The following ACTR3C variants were observed in gnomAD, a reference collection of about 807,000 sequenced individuals.
The protein encoded by ACTR3C is actin-related protein 3C.
In ACTR3C, 18 loss-of-function variants were observed where a neutral mutation model predicts 26.3. The observed-to-expected ratio is 0.68, with a 90% CI of 0.47 to 1.01. The LOEUF (loss-of-function observed/expected upper bound fraction) is 1.01, where lower values mean the gene tolerates loss of function less well. ACTR3C is among the 50% of genes least tolerant of loss of function. ACTR3C has a pLI of 0.00. For missense variants in ACTR3C, 184 were observed against 250.7 expected (o/e 0.73, Z 1.80); for synonymous variants, 55 against 94.5 (o/e 0.58, Z 2.42).
downstream of ACTR3C, among the ~76,000 whole-genome samples, chr7:150,239,536 CTCTCTATATATATA>C (rs1832060664): frequency 1.8e-5 from 2 of 112,966 alleles, no homozygotes; most frequent in Admixed American, 9.2e-5. Context: ...CTCTCTCTCT[CTCTCTATATATATA>C]TATATATATA....
At chr7:150,085,873 G>T in the ACTR3C span, among the ~76,000 whole-genome samples, 1 of 152,090 alleles carries the variant, frequency 6.6e-6, no homozygotes, top group Admixed American at 6.5e-5. Context: ...AAATGTGAAG[G>T]GAGGCTTTGT....
chr7:150,004,048 T>TGATG, the ACTR3C span, among the ~76,000 whole-genome samples: 2 of 151,340 alleles, frequency 1.3e-5, no homozygotes, highest in African/African-American at 4.9e-5. Flanking sequence ...ATGGTGTGTA[T>TGATG]GATGTATGTA....
chr7:149,969,330 T>TGTGTGTGTGA, the ACTR3C span, among the ~76,000 whole-genome samples: 1 of 107,378 alleles, frequency 9.3e-6, no homozygotes, highest in African/African-American at 3.2e-5. Context: ...TGTGTGTGTG[T>TGTGTGTGTGA]GATGCTGCCC....
At chr7:150,255,019 A>G (rs535099409) in intron 6 of ACTR3C, among the ~76,000 whole-genome samples, 1 of 152,180 alleles carries the variant, frequency 6.6e-6, no homozygotes, top group East Asian at 1.9e-4. Context: ...AGGATTTTCC[A>G]CAAAAATCTC....
At chr7:149,953,874 T>G in the ACTR3C span, among the ~76,000 whole-genome samples, 2 of 138,492 alleles carry the variant, frequency 1.4e-5, no homozygotes, top group Non-Finnish European at 3.1e-5. Context: ...CATAGGAAAC[T>G]AACAAGGAAT....
At chr7:149,923,707 C>A in the ACTR3C span, among the ~76,000 whole-genome samples, 3 of 152,102 alleles carry the variant, frequency 2.0e-5, no homozygotes, top group Non-Finnish European at 2.9e-5. Context: ...CACACACACA[C>A]AAATGTGAGC....
chr7:150,084,831 G>T, the ACTR3C span, among the ~76,000 whole-genome samples: 11 of 152,098 alleles, frequency 7.2e-5, no homozygotes, highest in Admixed American at 5.2e-4. Flanking sequence ...GGGTGTGGGA[G>T]GGGGAGTGGA....
the ACTR3C span, among the ~76,000 whole-genome samples, chr7:149,911,617 T>G: frequency 6.6e-6 from 1 of 151,270 alleles, no homozygotes; most frequent in South Asian, 2.1e-4. Context: ...AGACATCATC[T>G]CCTACAATCT....
At chr7:150,022,568 T>C in the ACTR3C span, among the ~76,000 whole-genome samples, 1 of 152,086 alleles carries the variant, frequency 6.6e-6, no homozygotes, top group African/African-American at 2.4e-5. Flanking sequence ...GCTGTGGCTA[T>C]AAAGCTTCAG....
chr7:150,082,754 C>T, the ACTR3C span, among the ~76,000 whole-genome samples: 1 of 150,874 alleles, frequency 6.6e-6, no homozygotes, highest in Non-Finnish European at 1.5e-5. Flanking sequence ...TTATGTGATG[C>T]TTTATGACTC....
At chr7:150,037,751 C>G in the ACTR3C span, among the ~76,000 whole-genome samples, 1 of 44,914 alleles carries the variant, frequency 2.2e-5, no homozygotes, top group East Asian at 1.4e-3. Context: ...TCTCAGTCCC[C>G]ACCCTCGCGG....
downstream of ACTR3C, among the ~76,000 whole-genome samples, chr7:150,243,623 T>G (rs1832306318): frequency 6.6e-6 from 1 of 152,182 alleles, no homozygotes; most frequent in Admixed American, 6.5e-5. Context: ...TCAAGTTCCT[T>G]CTATAAAGTG....
chr7:149,931,370 C>T, the ACTR3C span, among the ~76,000 whole-genome samples: 15 of 152,328 alleles, frequency 9.8e-5, no homozygotes, highest in East Asian at 2.9e-3. Context: ...TTATGATGCA[C>T]AGTGCTCCCG....
At chr7:149,930,331 AG>A in the ACTR3C span, among the ~76,000 whole-genome samples, 1 of 152,256 alleles carries the variant, frequency 6.6e-6, no homozygotes, top group African/African-American at 2.4e-5. Flanking sequence ...TTGATATAAA[AG>A]GATATGATCT....
chr7:150,037,869 G>A, the ACTR3C span, among the ~76,000 whole-genome samples: 377 of 112,666 alleles, frequency 3.3e-3, 25 homozygotes, highest in Middle Eastern at 0.024. Context: ...AGCGATGGGG[G>A]TCCTAAGAGC....
the ACTR3C span, among the ~76,000 whole-genome samples, chr7:150,038,923 G>T: frequency 1.8e-4 from 19 of 108,322 alleles, 2 homozygotes; most frequent in African/African-American, 6.0e-4. Context: ...ACAGCCAGGG[G>T]TGGAAGAGGG....
chr7:150,228,350 AG>A, the ACTR3C span, among the ~76,000 whole-genome samples: 1 of 152,226 alleles, frequency 6.6e-6, no homozygotes, highest in Non-Finnish European at 1.5e-5. Context: ...ATATTGTGGT[AG>A]GGTTAATTAT....
chr7:150,102,193 A>T, the ACTR3C span, among the ~76,000 whole-genome samples: 1 of 151,504 alleles, frequency 6.6e-6, no homozygotes, highest in Non-Finnish European at 1.5e-5. Flanking sequence ...GAAGATTCTG[A>T]GCCTTGGTAC....
chr7:150,034,119 G>C, the ACTR3C span, among the ~76,000 whole-genome samples: 1 of 151,746 alleles, frequency 6.6e-6, no homozygotes, highest in African/African-American at 2.4e-5. Flanking sequence ...CCGGGGGGAA[G>C]AGGGGATGGA....
Sources: allele counts gnomAD v4.1 joint callset (sites outside exome capture counted in the v4.1 genomes callset), GRCh38; gene constraint gnomAD v4.1.1; transcripts MANE v1.5; gene names NCBI Gene and HGNC (gene_info 2026-07-23, HGNC 2026-07-21).